Variants in ANO3 observed in about 807,000 individuals in gnomAD.
ANO3 encodes the protein anoctamin 3.
A neutral mutation model predicts 144.8 loss-of-function variants in ANO3; 99 were observed. The observed-to-expected ratio is 0.68, with a 90% CI of 0.58 to 0.81. The LOEUF (loss-of-function observed/expected upper bound fraction) is 0.81. ANO3 is among the 30% of genes least tolerant of loss of function. The probability of loss-of-function intolerance (pLI) is 0.00; values close to 1 mark genes in which losing one functional copy is unlikely to be tolerated. For synonymous variants in ANO3, 414 were observed against 392.6 expected (o/e 1.05, Z -0.64); for missense variants, 905 against 1,202.2 (o/e 0.75, Z 3.66).
chr11:26,425,267 G>T (rs953378915), intron 1 of ANO3, among the ~76,000 whole-genome samples: 3 of 151,858 alleles, frequency 2.0e-5, no homozygotes, highest in East Asian at 3.9e-4. Flanking sequence ...CCACTCCTAG[G>T]GTTATCTGAT....
intron 1 of ANO3, among the ~76,000 whole-genome samples, chr11:26,369,034 A>G (rs1856174664): frequency 6.6e-6 from 1 of 152,150 alleles, no homozygotes; most frequent in African/African-American, 2.4e-5. Flanking sequence ...AGCAGTTGAC[A>G]AGGTCTATAT....
At chr11:26,369,836 A>G (rs979403011) in intron 1 of ANO3, among the ~76,000 whole-genome samples, 9 of 152,118 alleles carry the variant, frequency 5.9e-5, no homozygotes, top group Admixed American at 6.6e-5. Context: ...CTGAATCATC[A>G]TGTGGGAGTT....
chr11:26,513,963 C>A (rs1861764268), intron 5 of ANO3, among the ~76,000 whole-genome samples: 1 of 151,724 alleles, frequency 6.6e-6, no homozygotes, highest in Non-Finnish European at 1.5e-5. Context: ...CCTTGAATAA[C>A]CTCTGAATAA....
chr11:26,278,008 G>A (rs1030312675), intron 1 of ANO3, among the ~76,000 whole-genome samples: 5 of 152,098 alleles, frequency 3.3e-5, no homozygotes, highest in Non-Finnish European at 5.9e-5. Flanking sequence ...TTTTGGTGGT[G>A]TCTGCTATTT....
At chr11:26,418,385 C>T (rs1857654474) in intron 1 of ANO3, among the ~76,000 whole-genome samples, 1 of 151,898 alleles carries the variant, frequency 6.6e-6, no homozygotes, top group South Asian at 2.1e-4. Flanking sequence ...ATCATAAACC[C>T]GTGAGATATC....
At chr11:26,552,051 G>A (rs1849947337) in intron 12 of ANO3, among the ~76,000 whole-genome samples, 1 of 151,950 alleles carries the variant, frequency 6.6e-6, no homozygotes, top group Admixed American at 6.6e-5. Context: ...CCTAAGCTTG[G>A]GGTCCCTGAA....
chr11:26,248,659 G>T (rs1396727727), intron 1 of ANO3, among the ~76,000 whole-genome samples: 2 of 152,202 alleles, frequency 1.3e-5, no homozygotes, highest in Non-Finnish European at 2.9e-5. Flanking sequence ...CAGACACAAT[G>T]ATTCTGCTGA....
At chr11:26,487,340 G>T (rs1221833798) in intron 4 of ANO3, among the ~76,000 whole-genome samples, 1 of 152,142 alleles carries the variant, frequency 6.6e-6, no homozygotes, top group African/African-American at 2.4e-5. Context: ...AGTGCATTTT[G>T]CCTCCCACCA....
At chr11:26,234,828 T>A (rs1403273873) in intron 1 of ANO3, among the ~76,000 whole-genome samples, 1 of 108,140 alleles carries the variant, frequency 9.2e-6, no homozygotes, top group Non-Finnish European at 2.2e-5. Flanking sequence ...TACATGCTTA[T>A]GGAGTCTGCC....
rs3101360 is a variant in ANO3, at chr11:26,234,444, T to C, written c.154+45114T>C. Among the ~76,000 whole-genome samples, 3,455 of 152,226 alleles carry C rather than the reference T, an allele frequency of 0.023. 321 individuals carry two copies. The East Asian group carries it at 0.31, about 14-fold the overall frequency. On this transcript the variant is annotated intron_variant, in intron 1 of 27. Transcript: ENST00000672621. ...CCTTGATATGGTGACAGCCTCCAAA[T>C]ACACTAGCAAGGCCACTAACCAAGA... is the stretch of plus-strand genomic sequence containing the variant.
chr11:26,368,107 A>G (rs923901208), intron 1 of ANO3, among the ~76,000 whole-genome samples: 2 of 152,226 alleles, frequency 1.3e-5, no homozygotes, highest in African/African-American at 4.8e-5. Context: ...TGTGTTTCTA[A>G]AAGATAGCAT....
chr11:26,582,648 A>G (rs1851165209), intron 14 of ANO3, among the ~76,000 whole-genome samples: 1 of 152,192 alleles, frequency 6.6e-6, no homozygotes, highest in Non-Finnish European at 1.5e-5. Context: ...CATACTTTGG[A>G]TAGAAATACT....
intron 1 of ANO3, among the ~76,000 whole-genome samples, chr11:26,436,543 A>T (rs1049243795): frequency 1.3e-5 from 2 of 151,712 alleles, no homozygotes; most frequent in Non-Finnish European, 2.9e-5. Context: ...TGGCAGCTCC[A>T]TCCTAGGGAG....
At position 26,598,394 on chromosome 11, in the gene ANO3, A is replaced by G; in HGVS notation, c.1477A>G (p.Arg493Gly). 6.4e-7 allele frequency: 1 copy of G among 1,565,612 alleles called. No individual in the cohort carries two copies. The highest frequency in any genetic ancestry group is 8.6e-7 in the Non-Finnish European group (1 of 1,157,262). ...AGTCTTCCTGGAGTTTTGGAAAAGGAGAAGGAGTATACTGACCTATACTTG... is the reference window on the plus strand; with the variant it reads ...AGTCTTCCTGGAGTTTTGGAAAAGGGGAAGGAGTATACTGACCTATACTTG... Reference protein sequence around the residue: ...ATVFLEFWKRRRSILTYTWDL... With the variant: ...ATVFLEFWKRGRSILTYTWDL... The change falls in exon 15 of 27, where the codon AGA becomes GGA. Residue 493 changes from arginine (R) to glycine (G), a missense_variant. Transcript: ENST00000256737.
intron 4 of ANO3, among the ~76,000 whole-genome samples, chr11:26,481,499 C>T (rs1169852955): frequency 6.6e-6 from 1 of 152,098 alleles, no homozygotes; most frequent in Non-Finnish European, 1.5e-5. Flanking sequence ...AAGGGAAGTT[C>T]ATATATGCTA....
chr11:26,443,906 A>T (rs1443640110), intron 3 of ANO3, 70 bp downstream of exon 3: 2 of 1,075,572 alleles, frequency 1.9e-6, no homozygotes, highest in African/African-American at 1.6e-5. Flanking sequence ...CTTCTAAAAA[A>T]AACTAGCATT....
chr11:26,400,946 C>T (rs529583660), intron 1 of ANO3, among the ~76,000 whole-genome samples: 5 of 151,876 alleles, frequency 3.3e-5, no homozygotes, highest in South Asian at 2.1e-4. Flanking sequence ...AAGTTGCTTC[C>T]ATGAACTACT....
chr11:26,553,220 T>TG, intron 12 of ANO3, 29 bp from the exon 13 acceptor site: 1 of 1,170,818 alleles, frequency 8.5e-7, no homozygotes, highest in Non-Finnish European at 1.2e-6. Flanking sequence ...CTATGTTTTG[T>TG]TTTGTTTTTG....
intron 1 of ANO3, among the ~76,000 whole-genome samples, chr11:26,265,973 G>A (rs1346069764): frequency 6.6e-6 from 1 of 152,148 alleles, no homozygotes; most frequent in Non-Finnish European, 1.5e-5. Context: ...CAATGAAGGG[G>A]AAAGTCCTGT....
Sources: gnomAD v4.1 joint callset for allele counts (sites outside exome capture counted in the v4.1 genomes callset) on GRCh38, gnomAD v4.1.1 for gene constraint, MANE v1.5 for transcripts, NCBI Gene and HGNC (gene_info 2026-07-23, HGNC 2026-07-21) for gene names.